The following EPHB6 variants were observed in gnomAD, a reference collection of about 807,000 sequenced individuals.
EPHB6 encodes the protein ephrin type-B receptor 6.
In EPHB6, 51 loss-of-function variants were observed where a neutral mutation model predicts 107.0. The ratio of observed to expected loss-of-function variants is 0.48; its 90% CI spans 0.38 to 0.60. The LOEUF (loss-of-function observed/expected upper bound fraction) is 0.60, where lower values mean the gene tolerates loss of function less well. EPHB6 is among the 20% of genes least tolerant of loss of function. The pLI, the probability that EPHB6 is intolerant of heterozygous loss-of-function variation, is 0.00. For missense variants in EPHB6, 1,141 were observed against 1,355.5 expected, an observed-to-expected ratio of 0.84 and a Z score of 2.48; for synonymous variants, 553 against 549.0, an observed-to-expected ratio of 1.01 and a Z score of -0.10.
rs1586174841 is a variant in EPHB6, at chr7:142,868,911, A to G, written c.2287-63A>G. 1.2e-5 allele frequency: 18 copies of G among 1,533,248 alleles called. No individual in the cohort carries two copies. The East Asian group carries it at 4.3e-4, about 37-fold the overall frequency. 95.0% of individuals were successfully genotyped at this position (1,533,248 alleles called of 1,614,324 possible). On this transcript the variant is annotated intron_variant, in intron 15 of 19. Coordinates refer to ENST00000652003, the MANE Select transcript of EPHB6 (RefSeq NM_004445.6). The surrounding 1 kb of genome is among the most constrained non-coding windows in gnomAD (Gnocchi z 4.2). Reference sequence around the variant, plus strand: ...GCTCTCATGCTGTTGTCTGCTATGCAGTATGTTGAGGTCTCCCCCTGTCTC... The same window carrying G: ...GCTCTCATGCTGTTGTCTGCTATGCGGTATGTTGAGGTCTCCCCCTGTCTC...
At chr7:142,858,183 T>C (rs918924550) in intron 1 of EPHB6, among the ~76,000 whole-genome samples, 1 of 152,164 alleles carries the variant, frequency 6.6e-6, no homozygotes, top group South Asian at 2.1e-4. Context: ...CAATCCTTCA[T>C]TTCTACCTCC....
intron 6 of EPHB6, 117 bp from the exon 7 acceptor site, chr7:142,863,849 C>A: frequency 6.6e-7 from 1 of 1,520,370 alleles, no homozygotes; most frequent in Non-Finnish European, 9.1e-7. Flanking sequence ...CCTCTATCTG[C>A]TTTGCTTGTC....
chr7:142,869,202 G>A lies in EPHB6; in HGVS notation c.2460+55G>A, dbSNP rs887736744. On this transcript the variant is annotated intron_variant, in intron 16 of 19. Transcript: ENST00000652003. The surrounding 1 kb of genome is among the most constrained non-coding windows in gnomAD (Gnocchi z 4.5). The stretch of plus-strand genomic sequence containing the variant: ...GGGGCCTTGTGGCATGCCCCAGCAG[G>A]TGCTGGGGTCGGGGGTGAGCTGGAA... 2 of 1,587,132 alleles carry A rather than the reference G, an allele frequency of 1.3e-6. No homozygotes were observed. Among genetic ancestry groups the A allele is most frequent in the African/African-American group, 2.7e-5 (2 of 74,656 alleles).
At chr7:142,860,632 A>G (rs1802798684) in intron 1 of EPHB6, among the ~76,000 whole-genome samples, 1 of 152,200 alleles carries the variant, frequency 6.6e-6, no homozygotes, top group Non-Finnish European at 1.5e-5. Flanking sequence ...CTTAAGAGCA[A>G]TTTGCCATAT....
chr7:142,866,941 C>T lies in EPHB6; in HGVS notation c.1623C>T (p.Ser541=), dbSNP rs780245579. The T allele has an allele frequency of 1.2e-5, 19 of 1,614,026 alleles. No individual in the cohort carries two copies. Among genetic ancestry groups the T allele is most frequent in the Non-Finnish European group, 1.6e-5 (19 of 1,180,038 alleles). Residue 541 remains serine (S), a synonymous_variant, in exon 11 of 20, where the codon AGC becomes AGT. Transcript: ENST00000652003. The surrounding 1 kb of genome is among the most constrained non-coding windows in gnomAD (Gnocchi z 5.2). ...EDESHSFTLT[S]ETNTATVTQL... ...AATCCCACTCCTTCACCCTGACCAG[C>T]GAGACCAACACTGCCACCGTGACAC...
Position 142,866,494 on chromosome 7 carries a change from C to A in EPHB6, c.1476C>A (p.Val492=). The stretch of plus-strand genomic sequence containing the variant: ...TTTGCACTCTAGTGCCCTCTGCTGT[C>A]CCTGTGGTGCACCAGGTGAGCCGGG... ...VSTSHEVPSA[V]PVVHQVSRAS... The change falls in exon 10 of 20, where the codon GTC becomes GTA. Residue 492 remains valine (V), a synonymous_variant. Transcript: ENST00000652003. This position sits in a 1 kb window ranked among gnomAD's most constrained non-coding sequence, Gnocchi z 5.2. 2 of 1,614,196 alleles carry A rather than the reference C, an allele frequency of 1.2e-6. No individual in the cohort carries two copies. The highest frequency in any genetic ancestry group is 8.5e-7 in the Non-Finnish European group (1 of 1,180,030).
chr7:142,863,680 C>A lies in EPHB6; in HGVS notation c.150C>A (p.Thr50=). ...TGETSEIGWL[T]YPPGGWDEVS... ...AGACATCTGAGATTGGCTGGCTCACCTACCCACCAGGGGGGGTGAGTGCCA... is the reference window on the plus strand; with the variant it reads ...AGACATCTGAGATTGGCTGGCTCACATACCCACCAGGGGGGGTGAGTGCCA... The change falls in exon 6 of 20, where the codon ACC becomes ACA. Residue 50 remains threonine, a synonymous_variant. Transcript: ENST00000652003. The A allele has an allele frequency of 6.2e-7, 1 of 1,613,946 alleles. No homozygotes were observed. Among genetic ancestry groups the A allele is most frequent in the Non-Finnish European group, 8.5e-7 (1 of 1,179,988 alleles).
chr7:142,864,663 A>G lies in EPHB6; in HGVS notation c.863A>G (p.Asn288Ser), dbSNP rs1803050855. 5.6e-6 allele frequency: 9 copies of G among 1,612,808 alleles called. No individual in the cohort carries two copies. Among genetic ancestry groups the G allele is most frequent in the Non-Finnish European group, 7.6e-6 (9 of 1,179,970 alleles). The change falls in exon 7 of 20, where the codon AAC becomes AGC. Residue 288 changes from asparagine to serine, a missense_variant. By Grantham distance (46) the Asn-to-Ser change is conservative (BLOSUM62 1). This residue lies in a region of EPHB6 where 304 missense variants were observed against 295.7 expected (regional missense o/e 1.03). Coordinates refer to ENST00000652003, the MANE Select transcript of EPHB6 (RefSeq NM_004445.6). ...GGCAGCCCCCCCAGGCTGCACTGCA[A>G]CGGGGAGGGCAAGTGGATGGTAGCT... Reference protein sequence around the residue: ...AGGSPPRLHCNGEGKWMVAVG... With the variant: ...AGGSPPRLHCSGEGKWMVAVG...
Position 142,867,667 on chromosome 7 carries a change from G to A in EPHB6, c.1810G>A (p.Ala604Thr), listed in dbSNP as rs371428952. The A allele has an allele frequency of 7.4e-6, 12 of 1,613,454 alleles. No individual in the cohort carries two copies. The highest frequency in any genetic ancestry group is 1.7e-5 in the Admixed American group (1 of 59,976). The change falls in exon 12 of 20, where the codon GCT becomes ACT. Residue 604 changes from alanine to threonine, a missense_variant. This residue lies in a region of EPHB6 where 616 missense variants were observed against 759.3 expected (regional missense o/e 0.81). Coordinates refer to ENST00000652003, the MANE Select transcript of EPHB6 (RefSeq NM_004445.6). This position sits in a 1 kb window ranked among gnomAD's most constrained non-coding sequence, Gnocchi z 5.3. The part of the protein sequence containing the change: ...LSLVIGSILG[A>T]LAFLLLAAIT... ...CTTGGTGATCGGCTCCATCCTGGGG[G>A]CTTTGGCCTTCCTCCTGCTGGCAGC...
intron 1 of EPHB6, among the ~76,000 whole-genome samples, chr7:142,858,423 C>CTTTTTTTTT (rs958011230): frequency 3.5e-5 from 2 of 57,614 alleles, no homozygotes; most frequent in African/African-American, 1.5e-4. Context: ...TTAAGTCATT[C>CTTTTTTTTT]TTTTTTTTTT....
At chr7:142,862,724 C>G (rs961056602) in intron 3 of EPHB6, 32 bp from the exon 4 acceptor site, 1 of 154,646 alleles carries the variant, frequency 6.5e-6, no homozygotes, top group Non-Finnish European at 1.4e-5. Context: ...AACCAGCTGC[C>G]TTTAATGAAA....
rs2116475904 is a variant in EPHB6 at position 142,868,957 on chromosome 7, C to T, written c.2287-17C>T. Reference sequence around the variant, plus strand: ...GTCTCCGATCACTGACCTCTGCCCCCTGCCCCTTCCCCTCAGCAGCGGGAG... The same window carrying T: ...GTCTCCGATCACTGACCTCTGCCCCTTGCCCCTTCCCCTCAGCAGCGGGAG... On this transcript the variant is annotated splice_polypyrimidine_tract_variant and intron_variant, in intron 15 of 19. Coordinates refer to ENST00000652003, the MANE Select transcript of EPHB6 (RefSeq NM_004445.6). This position sits in a 1 kb window ranked among gnomAD's most constrained non-coding sequence, Gnocchi z 4.2. The T allele has an allele frequency of 6.2e-7, 1 of 1,605,552 alleles. No homozygotes were observed. Among genetic ancestry groups the T allele is most frequent in the Non-Finnish European group, 8.5e-7 (1 of 1,179,656 alleles).
At chr7:142,865,222 A>T (rs898849402) in intron 7 of EPHB6, among the ~76,000 whole-genome samples, 1 of 152,194 alleles carries the variant, frequency 6.6e-6, no homozygotes, top group Non-Finnish European at 1.5e-5. Flanking sequence ...GAACACCCAC[A>T]TCTGGCACTG....
In EPHB6 at chr7:142,869,802, G is replaced by C; in HGVS notation, c.2461-15G>C. 2 of 1,614,128 alleles carry C rather than the reference G, an allele frequency of 1.2e-6. No individual in the cohort carries two copies. The highest frequency in any genetic ancestry group is 1.7e-6 in the Non-Finnish European group (2 of 1,180,000). On this transcript the variant is annotated splice_polypyrimidine_tract_variant and intron_variant, in intron 16 of 19. Transcript: ENST00000652003. The surrounding 1 kb of genome is among the most constrained non-coding windows in gnomAD (Gnocchi z 4.5). ...ACTATGATTATTACTATTTGCTTTT[G>C]ACTTTACCCCTCAGGGCCCAAGTTG...
intron 17 of EPHB6, 110 bp downstream of exon 17, chr7:142,870,076 T>A: frequency 1.3e-6 from 2 of 1,590,956 alleles, no homozygotes; most frequent in Non-Finnish European, 1.7e-6. Flanking sequence ...CTCATGGCTG[T>A]TGGATTGCCA....
rs1563341517 is a variant in EPHB6 at position 142,865,554 on chromosome 7, C to T, written c.1029C>T (p.Asn343=). 1.9e-6 allele frequency: 3 copies of T among 1,613,718 alleles called. No individual in the cohort carries two copies. Among genetic ancestry groups the T allele is most frequent in the African/African-American group, 2.7e-5 (2 of 75,040 alleles). Residue 343 remains asparagine (N), a synonymous_variant, in exon 8 of 20, where the codon AAC becomes AAT. Coordinates refer to ENST00000652003, the MANE Select transcript of EPHB6 (RefSeq NM_004445.6). ...SPCPARSHAP[N]PAAPVCPCLE... ...GCCCTGCCCGCAGTCACGCTCCCAA[C>T]CCAGCAGCCCCCGTTTGCCCCTGCC...
intron 1 of EPHB6, among the ~76,000 whole-genome samples, chr7:142,858,234 A>G (rs1295184332): frequency 6.6e-6 from 1 of 152,082 alleles, no homozygotes; most frequent in African/African-American, 2.4e-5. Context: ...TCTTCTGCCT[A>G]CCTTCCTCCA....
Position 142,867,894 on chromosome 7 carries a change from C to A in EPHB6, c.1866-103C>A, listed in dbSNP as rs1446473209. ...ATGGGCAGGAGGGCCAGGCTGTCGT[C>A]CCCCCTCCACAGACCGACTAAAGAG... On this transcript the variant is annotated intron_variant, in intron 12 of 19. Transcript: ENST00000652003. This position sits in a 1 kb window ranked among gnomAD's most constrained non-coding sequence, Gnocchi z 5.3. 2 of 1,509,940 alleles carry A rather than the reference C, an allele frequency of 1.3e-6. No individual in the cohort carries two copies. Among genetic ancestry groups the A allele is most frequent in the Non-Finnish European group, 9.0e-7 (1 of 1,111,630 alleles). 93.5% of individuals were successfully genotyped at this position (1,509,940 alleles called of 1,614,324 possible). A position where few individuals can be genotyped will look rare whatever the true frequency, so the allele number is the denominator to read the frequency against.
intron 1 of EPHB6, among the ~76,000 whole-genome samples, chr7:142,857,878 T>C (rs1326852657): frequency 6.6e-6 from 1 of 152,206 alleles, no homozygotes; most frequent in East Asian, 1.9e-4. Flanking sequence ...ACAATTATTT[T>C]GGTTTTCTTG....
Sources: allele counts gnomAD v4.1 joint callset (sites outside exome capture counted in the v4.1 genomes callset), GRCh38; gene constraint gnomAD v4.1.1; regional missense constraint gnomAD v4.1.1; non-coding constraint Gnocchi (gnomAD v3.1); transcripts MANE v1.5; gene names NCBI Gene and HGNC (gene_info 2026-07-23, HGNC 2026-07-21).